Variants in TAFA2 observed in about 807,000 individuals in gnomAD.
The protein encoded by TAFA2 is chemokine-like protein TAFA-2.
Under a neutral mutation model 18.8 loss-of-function variants are expected in TAFA2, and 7 were observed. The observed-to-expected ratio is 0.37, with a 90% CI of 0.21 to 0.70. TAFA2 has a LOEUF of 0.70. Ranked by LOEUF, TAFA2 falls within the 30% of genes least tolerant of loss-of-function variation. The probability of loss-of-function intolerance (pLI) is 0.53; values close to 1 mark genes in which losing one functional copy is unlikely to be tolerated. For missense variants in TAFA2, 122 were observed against 158.1 expected (o/e 0.77, Z 1.23); for synonymous variants, 60 against 54.2 (o/e 1.11, Z -0.47).
intron 1 of TAFA2, among the ~76,000 whole-genome samples, chr12:62,070,205 A>G (rs1882592827): frequency 6.6e-6 from 1 of 152,186 alleles, no homozygotes; most frequent in South Asian, 2.1e-4. Context: ...GACTGCAGAG[A>G]TATCTTAATC....
At chr12:62,228,828 A>G (rs2062799632) in intron 1 of TAFA2, among the ~76,000 whole-genome samples, 1 of 152,170 alleles carries the variant, frequency 6.6e-6, no homozygotes, top group Non-Finnish European at 1.5e-5. Context: ...TTTTAATGAT[A>G]TTAACTCTTC....
At chr12:61,981,372 G>A (rs1879629973) in intron 1 of TAFA2, among the ~76,000 whole-genome samples, 3 of 152,068 alleles carry the variant, frequency 2.0e-5, no homozygotes, top group Admixed American at 2.0e-4. Flanking sequence ...GAAAACCTAG[G>A]CAACACCTTT....
chr12:62,248,243 C>G (rs1400393355), intron 1 of TAFA2, among the ~76,000 whole-genome samples: 1 of 152,140 alleles, frequency 6.6e-6, no homozygotes, highest in African/African-American at 2.4e-5. Flanking sequence ...CAGGGGTGGG[C>G]CCTTAGTTTG....
intron 1 of TAFA2, among the ~76,000 whole-genome samples, chr12:61,991,788 G>A (rs192674266): frequency 2.3e-4 from 35 of 152,104 alleles, no homozygotes; most frequent in African/African-American, 4.6e-4. Context: ...TGCTAGTCTC[G>A]CTAAAACAGC....
intron 2 of TAFA2, among the ~76,000 whole-genome samples, chr12:61,843,136 A>G (rs1873257314): frequency 6.6e-6 from 1 of 152,052 alleles, no homozygotes; most frequent in Non-Finnish European, 1.5e-5. Flanking sequence ...AAACTTTAAA[A>G]CAAATTTACC....
At chr12:61,914,914 G>A (rs556036907) in intron 1 of TAFA2, among the ~76,000 whole-genome samples, 1 of 152,308 alleles carries the variant, frequency 6.6e-6, no homozygotes, top group East Asian at 1.9e-4. Context: ...TGTAATCCCA[G>A]CACTTTGGGA....
chr12:62,048,812 G>A (rs1364610276), intron 1 of TAFA2, among the ~76,000 whole-genome samples: 1 of 152,132 alleles, frequency 6.6e-6, no homozygotes, highest in African/African-American at 2.4e-5. Context: ...TTTAGTTACT[G>A]CATAGCAAAT....
chr12:61,989,203 G>A (rs1879915637), intron 1 of TAFA2, among the ~76,000 whole-genome samples: 1 of 152,208 alleles, frequency 6.6e-6, no homozygotes, highest in Admixed American at 6.5e-5. Flanking sequence ...TTGTGCAGCA[G>A]CATGGAATTC....
intron 1 of TAFA2, among the ~76,000 whole-genome samples, chr12:61,933,101 G>T (rs1007530890): frequency 1.3e-5 from 2 of 152,168 alleles, no homozygotes; most frequent in Non-Finnish European, 2.9e-5. Flanking sequence ...GACCAAAGGA[G>T]TTCAGGGTAA....
rs543121624 is a variant in TAFA2, at chr12:61,961,249, A to G, written c.-1-93823T>C. ...GGGGGAAATCCACCCCCATGATCCA[A>G]TCATCCCCTACCCAACCGCTACTCC... On this transcript the variant is annotated intron_variant, in intron 1 of 4. Transcript: ENST00000416284. 3.3e-5 allele frequency among the ~76,000 whole-genome samples: 5 copies of G among 151,996 alleles called. No homozygotes were observed. In the East Asian group the frequency reaches 5.9e-4, roughly 18 times the overall value.
intron 1 of TAFA2, among the ~76,000 whole-genome samples, chr12:62,251,761 T>C (rs1240019468): frequency 6.6e-6 from 1 of 152,198 alleles, no homozygotes; most frequent in African/African-American, 2.4e-5. Flanking sequence ...CATCAATTAG[T>C]TATTGCACAC....
chr12:62,207,255 A>G (rs1263884468), intron 1 of TAFA2: 1 of 152,236 alleles, frequency 6.6e-6, no homozygotes, highest in Non-Finnish European at 1.5e-5. Context: ...GTAAACCTGC[A>G]GACATAAATG....
chr12:62,167,059 C>A (rs934200568), intron 1 of TAFA2, among the ~76,000 whole-genome samples: 84 of 151,636 alleles, frequency 5.5e-4, no homozygotes, highest in African/African-American at 1.9e-3. Context: ...TCTCCGAAAA[C>A]ACTAAGTGAA....
At chr12:62,056,855 A>T (rs1882200338) in intron 1 of TAFA2, among the ~76,000 whole-genome samples, 1 of 152,216 alleles carries the variant, frequency 6.6e-6, no homozygotes. Context: ...ACAACAAAAA[A>T]AGATGGGGGC....
At chr12:61,757,151 G>C (rs563620818) in intron 2 of TAFA2, among the ~76,000 whole-genome samples, 1 of 152,046 alleles carries the variant, frequency 6.6e-6, no homozygotes, top group Non-Finnish European at 1.5e-5. Context: ...GGCAAGAGTG[G>C]AGACCAGTTA....
chr12:62,133,928 C>G (rs989035116), intron 1 of TAFA2, among the ~76,000 whole-genome samples: 3 of 152,108 alleles, frequency 2.0e-5, no homozygotes, highest in African/African-American at 4.8e-5. Flanking sequence ...AAACTGGAGG[C>G]AGAGTTCTAC....
intron 1 of TAFA2, among the ~76,000 whole-genome samples, chr12:61,930,754 T>C (rs953986603): frequency 6.6e-6 from 1 of 152,248 alleles, no homozygotes; most frequent in Non-Finnish European, 1.5e-5. Flanking sequence ...TCAGAATTTT[T>C]TGTCTTCCTC....
Position 61,924,265 on chromosome 12 carries a change from G to A in TAFA2, c.-1-56839C>T, listed in dbSNP as rs75593861. Among the ~76,000 whole-genome samples, 1,223 of 152,242 alleles carry A rather than the reference G, an allele frequency of 8.0e-3. 16 individuals carry two copies. The highest frequency in any genetic ancestry group is 0.028 in the African/African-American group (1,181 of 41,544). On this transcript the variant is annotated intron_variant, in intron 1 of 4. Transcript: ENST00000416284. ...ACCACAAAGATACTCCTCAAGGAGA[G>A]CAACCCCAAGACACGTAATCGTCAG...
chr12:62,058,473 G>A (rs1882244197), intron 1 of TAFA2, among the ~76,000 whole-genome samples: 1 of 152,190 alleles, frequency 6.6e-6, no homozygotes, highest in Non-Finnish European at 1.5e-5. Flanking sequence ...AGACACTGGA[G>A]ATACAGCAGT....
Sources: allele counts gnomAD v4.1 joint callset (sites outside exome capture counted in the v4.1 genomes callset), GRCh38; gene constraint gnomAD v4.1.1; transcripts MANE v1.5; gene names NCBI Gene and HGNC (gene_info 2026-07-23, HGNC 2026-07-21).